Variants in MAK16 observed in about 807,000 individuals in gnomAD.
The protein encoded by MAK16 is protein MAK16 homolog.
A neutral mutation model predicts 49.9 loss-of-function variants in MAK16; 12 were observed. The observed-to-expected ratio is 0.24, with a 90% confidence interval of 0.15 to 0.39. The LOEUF (loss-of-function observed/expected upper bound fraction) is 0.39, where lower values mean the gene tolerates loss of function less well. MAK16 is among the 10% of genes least tolerant of loss of function. The pLI, the probability that MAK16 is intolerant of heterozygous loss-of-function variation, is 1.00. For missense variants in MAK16, 292 were observed against 363.7 expected, an observed-to-expected ratio of 0.80 and a Z score of 1.60; for synonymous variants, 115 against 126.4, an observed-to-expected ratio of 0.91 and a Z score of 0.60.
Position 33,500,323 on chromosome 8 carries a change from C to T in MAK16, c.*1694C>T. 6.2e-7 allele frequency: 1 copy of T among 1,614,036 alleles called. No individual in the cohort carries two copies. The highest frequency in any genetic ancestry group is 8.5e-7 in the Non-Finnish European group (1 of 1,179,992). On this transcript the variant is annotated 3_prime_UTR_variant, in exon 10 of 10. Coordinates refer to ENST00000360128, the MANE Select transcript of MAK16 (RefSeq NM_032509.4). ...CAACTGAAACCAAGTTTCAGTCTGC[C>T]TTACCTTTACCCGTCCTTGAGAACA... is the stretch of plus-strand genomic sequence containing the variant.
rs1202534337 is a variant in MAK16, at chr8:33,499,071, T to TA, written c.*443dup. The TA allele has an allele frequency of 1.5e-5, 15 of 1,008,234 alleles. No homozygotes were observed. The East Asian group carries it at 2.3e-4, about 15-fold the overall frequency. The allele number at this position is 1,008,234 out of a possible 1,614,324, so 62.5% of individuals were successfully genotyped here. A position where few individuals can be genotyped will look rare whatever the true frequency, so the allele number is the denominator to read the frequency against. On this transcript the variant is annotated 3_prime_UTR_variant, in exon 10 of 10. Transcript: ENST00000360128. ...AAGGAAGGAAAAAGCAGCTTTCACTTACAAAGTTTCGTGTAAAAATATCTT... is the reference window on the plus strand; with the variant it reads ...AAGGAAGGAAAAAGCAGCTTTCACTTAACAAAGTTTCGTGTAAAAATATCTT...
At chr8:33,496,509 C>A (rs1808859898) in intron 7 of MAK16, 116 bp from the exon 8 acceptor site, 1 of 689,674 alleles carries the variant, frequency 1.4e-6, no homozygotes, top group Non-Finnish European at 2.3e-6. Context: ...TATTACTCAT[C>A]AAATTAAGTA....
In MAK16 at chr8:33,499,074, A is replaced by T; in HGVS notation, c.*445A>T. ...GAAGGAAAAAGCAGCTTTCACTTAC[A>T]AAGTTTCGTGTAAAAATATCTTTTT... On this transcript the variant is annotated 3_prime_UTR_variant, in exon 10 of 10. Coordinates refer to ENST00000360128, the MANE Select transcript of MAK16 (RefSeq NM_032509.4). 1 of 1,032,808 alleles carries T rather than the reference A, an allele frequency of 9.7e-7. No homozygotes were observed. Among genetic ancestry groups the T allele is most frequent in the Non-Finnish European group, 1.5e-6 (1 of 672,878 alleles). 64.0% of individuals were successfully genotyped at this position (1,032,808 alleles called of 1,614,324 possible). A position where few individuals can be genotyped will look rare whatever the true frequency, so the allele number is the denominator to read the frequency against.
Position 33,500,436 on chromosome 8 carries a change from A to C in MAK16, c.*1807A>C. The C allele has an allele frequency of 1.2e-6, 2 of 1,614,170 alleles. No homozygotes were observed. The highest frequency in any genetic ancestry group is 2.2e-5 in the East Asian group (1 of 44,886). ...GTGTAAGGTTTGGATCCCTTGCTAC[A>C]TCACAAATCAGTTTCAAGAGGGCCT... is the stretch of plus-strand genomic sequence containing the variant. On this transcript the variant is annotated 3_prime_UTR_variant, in exon 10 of 10. Transcript: ENST00000360128.
At chr8:33,492,173 C>T (rs778240679) in intron 6 of MAK16, among the ~76,000 whole-genome samples, 1 of 152,042 alleles carries the variant, frequency 6.6e-6, no homozygotes, top group Non-Finnish European at 1.5e-5. Flanking sequence ...CCATGCCTGG[C>T]TGTTTGTTTT....
intron 7 of MAK16, 83 bp downstream of exon 7, chr8:33,495,699 T>TGAGA: frequency 9.4e-6 from 1 of 106,854 alleles, no homozygotes; most frequent in Non-Finnish European, 1.4e-5. Flanking sequence ...TTTTTTTTTT[T>TGAGA]TTTTTTTTTT....
At chr8:33,485,876 TGAAA>T (rs1184170175) in intron 1 of MAK16, among the ~76,000 whole-genome samples, 2 of 152,132 alleles carry the variant, frequency 1.3e-5, no homozygotes, top group African/African-American at 4.8e-5. Flanking sequence ...AATCATACTA[TGAAA>T]GAAAGACCAG....
intron 9 of MAK16, 87 bp downstream of exon 9, chr8:33,497,384 G>C (rs1178004212): frequency 9.9e-7 from 1 of 1,014,672 alleles, no homozygotes; most frequent in Non-Finnish European, 1.5e-6. Flanking sequence ...AGGCACCGTG[G>C]TTCACTCCTA....
chr8:33,498,780 G>A lies in MAK16; in HGVS notation c.*151G>A. On this transcript the variant is annotated 3_prime_UTR_variant, in exon 10 of 10. Coordinates refer to ENST00000360128, the MANE Select transcript of MAK16 (RefSeq NM_032509.4). ...TTTTATTATTTATGCCACGTCAGTG[G>A]GGCAAGAAATCTGGAGTGAGTGAAG... is the stretch of plus-strand genomic sequence containing the variant. 1 of 705,158 alleles carries A rather than the reference G, an allele frequency of 1.4e-6. No individual in the cohort carries two copies. Among genetic ancestry groups the A allele is most frequent in the Non-Finnish European group, 2.3e-6 (1 of 427,846 alleles). The allele number at this position is 705,158 out of a possible 1,614,324, so 43.7% of individuals were successfully genotyped here.
rs769397675 is a variant in MAK16 at position 33,488,439 on chromosome 8, T to C, written c.65+12T>C. Reference sequence around the variant, plus strand: ...TCCTTCAAAATAAGGTGAGTCTCAATTTACAACTTGGTCAAAGATTCCTTC... The same window carrying C: ...TCCTTCAAAATAAGGTGAGTCTCAACTTACAACTTGGTCAAAGATTCCTTC... On this transcript the variant is annotated intron_variant, in intron 2 of 9. Transcript: ENST00000360128. 1.5e-5 allele frequency: 24 copies of C among 1,614,184 alleles called. No individual in the cohort carries two copies. Among genetic ancestry groups the C allele is most frequent in the Non-Finnish European group, 9.3e-6 (11 of 1,180,006 alleles).
chr8:33,495,743 G>A (rs1808848749), intron 7 of MAK16, 127 bp downstream of exon 7: 1 of 540,448 alleles, frequency 1.9e-6, no homozygotes, highest in Non-Finnish European at 2.9e-6. Context: ...TTGAGATGGA[G>A]TCTTGCTTTG....
At chr8:33,494,823 G>T (rs370696558) in intron 6 of MAK16, among the ~76,000 whole-genome samples, 30 of 151,880 alleles carry the variant, frequency 2.0e-4, no homozygotes, top group African/African-American at 7.2e-4. Flanking sequence ...CTGTTGCCCA[G>T]GCTGGAGTGC....
At position 33,499,380 on chromosome 8, in the gene MAK16, AAT is replaced by A; in HGVS notation, c.*752_*753del. 1.2e-6 allele frequency: 1 copy of A among 842,740 alleles called. No homozygotes were observed. The highest frequency in any genetic ancestry group is 1.4e-5 in the South Asian group (1 of 69,150). The allele number at this position is 842,740 out of a possible 1,614,324, so 52.2% of individuals were successfully genotyped here. On this transcript the variant is annotated 3_prime_UTR_variant, in exon 10 of 10. Transcript: ENST00000360128. Reference sequence around the variant, plus strand: ...TGGTATCATATTCAAAGGAGGAAAGAATGGATGACACTTAGGGACAGGTCACT... The same window carrying A: ...TGGTATCATATTCAAAGGAGGAAAGAGGATGACACTTAGGGACAGGTCACT...
Position 33,488,640 on chromosome 8 carries a change from A to G in MAK16, c.175+11A>G. The G allele has an allele frequency of 6.2e-7, 1 of 1,613,386 alleles. No individual in the cohort carries two copies. Among genetic ancestry groups the G allele is most frequent in the Non-Finnish European group, 8.5e-7 (1 of 1,179,332 alleles). On this transcript the variant is annotated intron_variant, in intron 3 of 9. Coordinates refer to ENST00000360128, the MANE Select transcript of MAK16 (RefSeq NM_032509.4). ...TTAAAGAAGAGAAAGGTAACTCCCC[A>G]GTTTTAACTTCTAGAAGAACTGCTC...
intron 6 of MAK16, among the ~76,000 whole-genome samples, chr8:33,495,239 T>C (rs1808839180): frequency 6.6e-6 from 1 of 152,254 alleles, no homozygotes; most frequent in South Asian, 2.1e-4. Flanking sequence ...TGCTAGATTA[T>C]TTCTGAGACA....
intron 6 of MAK16, among the ~76,000 whole-genome samples, chr8:33,495,190 TTC>T (rs2128824585): frequency 6.6e-6 from 1 of 152,374 alleles, no homozygotes; most frequent in Non-Finnish European, 1.5e-5. Context: ...AAGATTTCTG[TTC>T]TCTTTTCTCA....
chr8:33,497,357 A>C (rs890982577), intron 9 of MAK16, 60 bp downstream of exon 9: 37 of 1,236,660 alleles, frequency 3.0e-5, no homozygotes, highest in Middle Eastern at 2.1e-4. Flanking sequence ...AAAAAAAACA[A>C]AAACAGGGAG....
In MAK16 at chr8:33,501,095, T is replaced by C. The variant is rs1301490515; in HGVS notation, c.*2466T>C. 2 of 152,670 alleles carry C rather than the reference T, an allele frequency of 1.3e-5. No individual in the cohort carries two copies. The highest frequency in any genetic ancestry group is 2.9e-5 in the Non-Finnish European group (2 of 68,394). The allele number at this position is 152,670 out of a possible 1,614,324, so 9.5% of individuals were successfully genotyped here. On this transcript the variant is annotated 3_prime_UTR_variant, in exon 10 of 10. Transcript: ENST00000360128. ...GCTAGTGACTGCACAATATTGTGAC[T>C]GTACTTAATGCCACTGAACTGTACA...
At chr8:33,488,307 T>A (rs1332337100) in intron 1 of MAK16, 71 bp from the exon 2 acceptor site, 1 of 1,464,296 alleles carries the variant, frequency 6.8e-7, no homozygotes, top group Non-Finnish European at 9.5e-7. Flanking sequence ...TCCTTGGGCA[T>A]TGCCTTCTTG....
Sources: allele counts gnomAD v4.1 joint callset (sites outside exome capture counted in the v4.1 genomes callset), GRCh38; gene constraint gnomAD v4.1.1; transcripts MANE v1.5; gene names NCBI Gene and HGNC (gene_info 2026-07-23, HGNC 2026-07-21).